The following RNF144A variants were observed in gnomAD, a reference collection of about 807,000 sequenced individuals.
RNF144A encodes E3 ubiquitin-protein ligase RNF144A.
In RNF144A, 11 loss-of-function variants were observed where a neutral mutation model predicts 38.7. That is an observed-to-expected ratio of 0.28 (90% CI 0.18 to 0.47). The LOEUF is 0.47. Ranked by LOEUF, RNF144A falls within the 20% of genes least tolerant of loss-of-function variation. RNF144A has a pLI of 0.99. For synonymous variants in RNF144A, 149 were observed against 143.9 expected (o/e 1.04, Z -0.25); for missense variants, 316 against 377.2 (o/e 0.84, Z 1.34).
intron 2 of RNF144A, among the ~76,000 whole-genome samples, chr2:6,993,610 G>A (rs1395241210): frequency 6.6e-6 from 1 of 152,130 alleles, no homozygotes. Flanking sequence ...TCTGTGGAGC[G>A]GTTAAGCTCT....
At chr2:6,967,182 C>T (rs914287355) in intron 2 of RNF144A, among the ~76,000 whole-genome samples, 1 of 152,116 alleles carries the variant, frequency 6.6e-6, no homozygotes, top group Non-Finnish European at 1.5e-5. Context: ...CTTATCAGTT[C>T]GTACATGTGT....
At chr2:6,992,955 G>A (rs941927456) in intron 2 of RNF144A, among the ~76,000 whole-genome samples, 2 of 152,168 alleles carry the variant, frequency 1.3e-5, no homozygotes, top group African/African-American at 2.4e-5. Context: ...AAAACAGTTT[G>A]CCATTTCATA....
At chr2:7,062,365 T>A (rs309271) in intron 6 of RNF144A, among the ~76,000 whole-genome samples, 1 of 151,848 alleles carries the variant, frequency 6.6e-6, no homozygotes. Context: ...ATCTCAAGAC[T>A]GGTACAGAGT....
chr2:6,980,027 T>C (rs1668532483), intron 2 of RNF144A, among the ~76,000 whole-genome samples: 1 of 152,132 alleles, frequency 6.6e-6, no homozygotes, highest in Admixed American at 6.5e-5. Context: ...ACTGCCACTT[T>C]TAAACCATCA....
In RNF144A at chr2:6,933,084, G is replaced by A. The variant is rs1181799439; in HGVS notation, c.-211-7864G>A. Reference sequence around the variant, plus strand: ...ATAGCGGCTGCATAAGCTTAACTGCGCAGAGCTATACTGCTTTTTGAAATA... The same window carrying A: ...ATAGCGGCTGCATAAGCTTAACTGCACAGAGCTATACTGCTTTTTGAAATA... On this transcript the variant is annotated intron_variant, in intron 1 of 8. Coordinates refer to ENST00000320892, the MANE Select transcript of RNF144A (RefSeq NM_014746.6). The A allele has an allele frequency of 2.0e-5, 3 of 152,228 alleles. No individual in the cohort carries two copies. In the South Asian group the frequency reaches 6.2e-4, roughly 32 times the overall value. The allele number at this position is 152,228 out of a possible 1,614,324, so 9.4% of individuals were successfully genotyped here. A position where few individuals can be genotyped will look rare whatever the true frequency, so the allele number is the denominator to read the frequency against.
intron 2 of RNF144A, among the ~76,000 whole-genome samples, chr2:6,975,852 A>G (rs374426565): frequency 6.6e-6 from 1 of 152,244 alleles, no homozygotes; most frequent in African/African-American, 2.4e-5. Context: ...TTGGATATCC[A>G]TGCAGTGTTT....
At chr2:6,928,354 C>T (rs1050038142) in intron 1 of RNF144A, among the ~76,000 whole-genome samples, 2 of 152,246 alleles carry the variant, frequency 1.3e-5, no homozygotes, top group African/African-American at 2.4e-5. Flanking sequence ...CCTCTGGGTC[C>T]ACCACCTGCC....
intron 1 of RNF144A, chr2:6,918,719 G>A (rs1316488103): frequency 1.6e-5 from 2 of 126,478 alleles, no homozygotes; most frequent in South Asian, 2.8e-4. Flanking sequence ...AGCGGAGATC[G>A]CGCCACAGCA....
chr2:7,010,709 T>G (rs957464451), intron 3 of RNF144A, among the ~76,000 whole-genome samples: 1 of 152,126 alleles, frequency 6.6e-6, no homozygotes, highest in Non-Finnish European at 1.5e-5. Context: ...CTTTCTTCCC[T>G]CTGTGTGGCT....
chr2:6,983,885 C>T (rs753872724), intron 2 of RNF144A, among the ~76,000 whole-genome samples: 8 of 152,224 alleles, frequency 5.3e-5, no homozygotes, highest in Non-Finnish European at 1.0e-4. Flanking sequence ...ACACCCTTGA[C>T]TCCTCTCTTT....
chr2:6,922,433 A>G (rs901480859), intron 1 of RNF144A, among the ~76,000 whole-genome samples: 3 of 152,122 alleles, frequency 2.0e-5, no homozygotes, highest in Non-Finnish European at 4.4e-5. Context: ...ATCTCTTACA[A>G]CATTGTGTTC....
intron 8 of RNF144A, among the ~76,000 whole-genome samples, chr2:7,034,520 C>T (rs1393500159): frequency 6.6e-6 from 1 of 152,204 alleles, no homozygotes; most frequent in Non-Finnish European, 1.5e-5. Flanking sequence ...ATCTCCCCTG[C>T]CCTGTCCTTC....
In RNF144A at chr2:6,996,969, G is replaced by A. The variant is rs763777576; in HGVS notation, c.43G>A (p.Asp15Asn). Residue 15 changes from aspartate to asparagine, a missense_variant, in exon 3 of 9, where the codon GAC becomes AAC. Physicochemically the swap from Asp to Asn is conservative, Grantham distance 23. Transcript: ENST00000320892. ...CCGGCCCACCTGGGACCTGGCCCTCGACCCGCTGGTGTCTTGCAAGCTCTG... is the reference window on the plus strand; with the variant it reads ...CCGGCCCACCTGGGACCTGGCCCTCAACCCGCTGGTGTCTTGCAAGCTCTG... ...RYRPTWDLAL[D>N]PLVSCKLCLG... is the part of the protein sequence containing the mutation. 8 of 1,614,056 alleles carry A rather than the reference G, an allele frequency of 5.0e-6. No individual in the cohort carries two copies. The South Asian group carries it at 7.7e-5, about 16-fold the overall frequency.
intron 2 of RNF144A, among the ~76,000 whole-genome samples, chr2:6,975,611 T>C (rs983410601): frequency 6.6e-6 from 1 of 152,098 alleles, no homozygotes; most frequent in African/African-American, 2.4e-5. Flanking sequence ...TTGCTTGAGA[T>C]CAGGAGTTTA....
intron 7 of RNF144A, among the ~76,000 whole-genome samples, chr2:7,026,257 T>G (rs1671884116): frequency 6.6e-6 from 1 of 152,244 alleles, no homozygotes; most frequent in Non-Finnish European, 1.5e-5. Flanking sequence ...TTTATGAACT[T>G]TAAATTACTA....
chr2:6,969,651 G>A (rs1330146054), intron 2 of RNF144A, among the ~76,000 whole-genome samples: 1 of 152,366 alleles, frequency 6.6e-6, no homozygotes, highest in East Asian at 1.9e-4. Context: ...AGTATGAAAC[G>A]TTGAGTGCTG....
chr2:7,051,990 C>A (rs1384547195), intron 6 of RNF144A, among the ~76,000 whole-genome samples: 1 of 152,160 alleles, frequency 6.6e-6, no homozygotes, highest in African/African-American at 2.4e-5. Flanking sequence ...GCCCAATTCT[C>A]ACTCATATTA....
chr2:6,930,520 T>C (rs1173767953), intron 1 of RNF144A, among the ~76,000 whole-genome samples: 4 of 152,028 alleles, frequency 2.6e-5, no homozygotes, highest in African/African-American at 9.7e-5. Context: ...CACACATCTA[T>C]GGGTATATAT....
At chr2:6,987,114 G>GT (rs1383006713) in intron 2 of RNF144A, among the ~76,000 whole-genome samples, 1 of 152,106 alleles carries the variant, frequency 6.6e-6, no homozygotes, top group African/African-American at 2.4e-5. Flanking sequence ...ACCGAGAAAC[G>GT]TTTAAGTTTG....
Sources: gnomAD v4.1 joint callset for allele counts (sites outside exome capture counted in the v4.1 genomes callset) on GRCh38, gnomAD v4.1.1 for gene constraint, MANE v1.5 for transcripts, NCBI Gene and HGNC (gene_info 2026-07-23, HGNC 2026-07-21) for gene names.